The following NCKAP1 variants were observed in gnomAD, a reference collection of about 807,000 sequenced individuals.
NCKAP1 encodes NCK associated protein 1.
A neutral mutation model predicts 151.2 loss-of-function variants in NCKAP1; 21 were observed. The ratio of observed to expected loss-of-function variants is 0.14; its 90% CI spans 0.10 to 0.20. The LOEUF (loss-of-function observed/expected upper bound fraction) is 0.20. Ranked by LOEUF, NCKAP1 falls within the 10% of genes least tolerant of loss-of-function variation. NCKAP1 has a pLI of 1.00. For missense variants in NCKAP1, 933 were observed against 1,352.1 expected, an observed-to-expected ratio of 0.69 and a Z score of 4.86; for synonymous variants, 484 against 451.8, an observed-to-expected ratio of 1.07 and a Z score of -0.90.
In NCKAP1 at chr2:182,914,567, A is replaced by G. The variant is rs1696439261; in HGVS notation, c.*11135T>C. ...ATGAAACCCATTACCCACTATAACC[A>G]TCTTTGAGGACACTCTGCATTTTAG... On this transcript the variant is annotated 3_prime_UTR_variant, in exon 31 of 31. Coordinates refer to ENST00000361354, the MANE Select transcript of NCKAP1 (RefSeq NM_013436.5). 6.6e-6 allele frequency: 1 copy of G among 152,172 alleles called. No individual in the cohort carries two copies. The highest frequency in any genetic ancestry group is 1.5e-5 in the Non-Finnish European group (1 of 68,022). The allele number at this position is 152,172 out of a possible 1,614,324, so 9.4% of individuals were successfully genotyped here. A position where few individuals can be genotyped will look rare whatever the true frequency, so the allele number is the denominator to read the frequency against.
At position 183,038,101 on chromosome 2, in the gene NCKAP1, G is replaced by C. The variant is rs1699141785; in HGVS notation, c.-2C>G. The C allele has an allele frequency of 6.4e-7, 1 of 1,555,408 alleles. No individual in the cohort carries two copies. Among genetic ancestry groups the C allele is most frequent in the African/African-American group, 1.4e-5 (1 of 70,738 alleles). Reference sequence around the variant, plus strand: ...GGGCTGCAGCACTGAGCGCGACATGGTGGTGCTGGTGCCGCCGCCGCCGCC... The same window carrying C: ...GGGCTGCAGCACTGAGCGCGACATGCTGGTGCTGGTGCCGCCGCCGCCGCC... On this transcript the variant is annotated 5_prime_UTR_variant, in exon 1 of 31. Coordinates refer to ENST00000361354, the MANE Select transcript of NCKAP1 (RefSeq NM_013436.5).
chr2:182,941,267 C>G (rs1409750323), intron 24 of NCKAP1, among the ~76,000 whole-genome samples: 4 of 151,746 alleles, frequency 2.6e-5, no homozygotes, highest in African/African-American at 9.7e-5. Flanking sequence ...ATATCTAAAA[C>G]AGTTATCTGC....
chr2:182,987,551 T>C (rs1698082140), intron 9 of NCKAP1, among the ~76,000 whole-genome samples: 1 of 152,224 alleles, frequency 6.6e-6, no homozygotes, highest in East Asian at 1.9e-4. Flanking sequence ...GGTTTCACTA[T>C]GCCATTAAAT....
rs1296534217 is a variant in NCKAP1, at chr2:182,917,651, A to G, written c.*8051T>C. 6.6e-6 allele frequency: 1 copy of G among 152,178 alleles called. No individual in the cohort carries two copies. The highest frequency in any genetic ancestry group is 1.9e-4 in the East Asian group (1 of 5,198). The allele number at this position is 152,178 out of a possible 1,614,324, so 9.4% of individuals were successfully genotyped here. A position where few individuals can be genotyped will look rare whatever the true frequency, so the allele number is the denominator to read the frequency against. On this transcript the variant is annotated 3_prime_UTR_variant, in exon 31 of 31. Transcript: ENST00000361354. ...TTGGCACGAACTTTAATATTAGACC[A>G]AGTGTTGTATGTTCCAGTGTAGGAT... is the stretch of plus-strand genomic sequence containing the variant.
At position 183,038,232 on chromosome 2, in the gene NCKAP1, C is replaced by T. The variant is rs1699145885; in HGVS notation, c.-133G>A. ...CGCCTTAGGAGAGCGCGCCCATGGC[C>T]CTCGCGCCCCAATCCCGCGCCGGCG... is the stretch of plus-strand genomic sequence containing the variant. On this transcript the variant is annotated 5_prime_UTR_variant, in exon 1 of 31. Transcript: ENST00000361354. 17 of 534,310 alleles carry T rather than the reference C, an allele frequency of 3.2e-5. 1 individual carries two copies. In the East Asian group the frequency reaches 3.6e-4, roughly 11 times the overall value. The allele number at this position is 534,310 out of a possible 1,614,324, so 33.1% of individuals were successfully genotyped here. A position where few individuals can be genotyped will look rare whatever the true frequency, so the allele number is the denominator to read the frequency against.
intron 13 of NCKAP1, among the ~76,000 whole-genome samples, chr2:182,980,694 C>G (rs1266479837): frequency 1.3e-5 from 2 of 152,052 alleles, no homozygotes; most frequent in Non-Finnish European, 2.9e-5. Context: ...ACTGGCCATC[C>G]TCTAACAATC....
chr2:183,030,307 G>A (rs774255466), intron 1 of NCKAP1, among the ~76,000 whole-genome samples: 6 of 152,092 alleles, frequency 3.9e-5, no homozygotes, highest in Non-Finnish European at 8.8e-5. Flanking sequence ...TTACAAGCAC[G>A]CACTACTACT....
intron 24 of NCKAP1, among the ~76,000 whole-genome samples, chr2:182,937,084 G>A (rs1309508077): frequency 8.8e-6 from 1 of 113,816 alleles, no homozygotes. Flanking sequence ...CACTGCACTC[G>A]AGCCTAGGCA....
intron 26 of NCKAP1, among the ~76,000 whole-genome samples, chr2:182,933,416 G>T (rs1696806409): frequency 1.4e-5 from 2 of 142,434 alleles, no homozygotes; most frequent in African/African-American, 5.5e-5. Flanking sequence ...TTTGGAGACG[G>T]GAGTTTTGCT....
chr2:182,973,764 T>A (rs1358726914), intron 15 of NCKAP1, among the ~76,000 whole-genome samples: 1 of 152,190 alleles, frequency 6.6e-6, no homozygotes, highest in East Asian at 1.9e-4. Flanking sequence ...TTGTGAATAT[T>A]TTCCCCTTCT....
chr2:182,976,774 A>T, intron 15 of NCKAP1, 119 bp downstream of exon 15: 2 of 477,528 alleles, frequency 4.2e-6, no homozygotes, highest in Non-Finnish European at 6.9e-6. Context: ...TTTTATGGTT[A>T]ATTATACAAA....
chr2:182,964,875 C>T, intron 16 of NCKAP1, 67 bp from the exon 17 acceptor site: 1 of 1,240,086 alleles, frequency 8.1e-7, no homozygotes, highest in Non-Finnish European at 1.1e-6. Context: ...TAGTACCTTA[C>T]AGTTAATTTG....
intron 1 of NCKAP1, among the ~76,000 whole-genome samples, chr2:183,026,834 T>TA (rs1362995009): frequency 6.6e-6 from 1 of 152,170 alleles, no homozygotes; most frequent in East Asian, 1.9e-4. Flanking sequence ...GATAAGCACA[T>TA]AAGTGCTCTA....
At chr2:182,956,989 G>A (rs932869624) in intron 19 of NCKAP1, 14 of 165,202 alleles carry the variant, frequency 8.5e-5, no homozygotes, top group Middle Eastern at 2.8e-3. Flanking sequence ...AATATTTACC[G>A]AATTATTACC....
chr2:182,998,344 C>T (rs1269356479), intron 6 of NCKAP1, among the ~76,000 whole-genome samples: 1 of 151,854 alleles, frequency 6.6e-6, no homozygotes. Flanking sequence ...CTAGCCAGAG[C>T]AATCAAGCAA....
At chr2:182,953,887 T>C (rs1284306205) in intron 20 of NCKAP1, among the ~76,000 whole-genome samples, 1 of 152,186 alleles carries the variant, frequency 6.6e-6, no homozygotes, top group Non-Finnish European at 1.5e-5. Flanking sequence ...ACAAAAGTGA[T>C]TTAAGTATAA....
chr2:183,014,130 G>C lies in NCKAP1; in HGVS notation c.219+9676C>G, dbSNP rs531983725. Among the ~76,000 whole-genome samples, 230 of 152,220 alleles carry C rather than the reference G, an allele frequency of 1.5e-3. 1 individual carries two copies. Among genetic ancestry groups the C allele is most frequent in the African/African-American group, 5.2e-3 (216 of 41,534 alleles). On this transcript the variant is annotated intron_variant, in intron 2 of 30. Transcript: ENST00000361354. ...GTTCAACATAATATAAGCTCTGTAA[G>C]AACAGAGACTTCTGTTTGTTCACTG...
chr2:182,972,798 C>T (rs997455352), intron 15 of NCKAP1, among the ~76,000 whole-genome samples: 1 of 152,060 alleles, frequency 6.6e-6, no homozygotes, highest in African/African-American at 2.4e-5. Flanking sequence ...AAGCCAGGCA[C>T]AGAAAAACAA....
rs1696588503 is a variant in NCKAP1, at chr2:182,923,767, T to C, written c.*1935A>G. 1 of 152,176 alleles carries C rather than the reference T, an allele frequency of 6.6e-6. No individual in the cohort carries two copies. Among genetic ancestry groups the C allele is most frequent in the African/African-American group, 2.4e-5 (1 of 41,446 alleles). 9.4% of individuals were successfully genotyped at this position (152,176 alleles called of 1,614,324 possible). A position where few individuals can be genotyped will look rare whatever the true frequency, so the allele number is the denominator to read the frequency against. On this transcript the variant is annotated 3_prime_UTR_variant, in exon 31 of 31. Transcript: ENST00000361354. ...AATAAAACAAACAAGATATTAAAAA[T>C]AGTAGTTGTCAATTTACTTTTAACT...
Sources: allele counts gnomAD v4.1 joint callset (sites outside exome capture counted in the v4.1 genomes callset), GRCh38; gene constraint gnomAD v4.1.1; transcripts MANE v1.5; gene names NCBI Gene and HGNC (gene_info 2026-07-23, HGNC 2026-07-21).